STX7: variants seen among roughly 807,000 people sequenced by gnomAD.
STX7 encodes the protein syntaxin 7.
In STX7, 34 loss-of-function variants were observed where a neutral mutation model predicts 39.6. That is an observed-to-expected ratio of 0.86 (90% CI 0.65 to 1.14). The LOEUF is 1.14. STX7 is among the 50% of genes most tolerant of loss of function. The probability of loss-of-function intolerance (pLI) is 0.00; values close to 1 mark genes in which losing one functional copy is unlikely to be tolerated. For synonymous variants in STX7, 119 were observed against 99.1 expected (o/e 1.20, Z -1.19); for missense variants, 284 against 310.4 (o/e 0.92, Z 0.64).
chr6:132,510,627 A>G (rs1407272053), intron 1 of STX7, among the ~76,000 whole-genome samples: 8 of 152,250 alleles, frequency 5.3e-5, no homozygotes, highest in Admixed American at 2.0e-4. Flanking sequence ...ATGTTCAAAA[A>G]TTCTGTGTGG....
At chr6:132,508,143 G>C (rs1444388544) in intron 1 of STX7, among the ~76,000 whole-genome samples, 1 of 152,202 alleles carries the variant, frequency 6.6e-6, no homozygotes, top group Non-Finnish European at 1.5e-5. Flanking sequence ...TGCAGCTGCA[G>C]GACCAGCATC....
chr6:132,509,661 T>A (rs1027399140), intron 1 of STX7, among the ~76,000 whole-genome samples: 7 of 152,174 alleles, frequency 4.6e-5, no homozygotes, highest in Admixed American at 1.3e-4. Context: ...AATAGCTTAC[T>A]CCTTTTCTCT....
At chr6:132,462,594 T>C (rs1211460470) in intron 9 of STX7, among the ~76,000 whole-genome samples, 1 of 142,126 alleles carries the variant, frequency 7.0e-6, no homozygotes, top group Non-Finnish European at 1.6e-5. Context: ...TGTGTGTGTG[T>C]GTGTGTGTGT....
rs999027180 is a variant in STX7, at chr6:132,461,454, G to A, written c.694-604C>T. Among the ~76,000 whole-genome samples the A allele has an allele frequency of 2.6e-5, 4 of 151,854 alleles. No individual in the cohort carries two copies. The East Asian group carries it at 7.7e-4, about 29-fold the overall frequency. Reference sequence around the variant, plus strand: ...CCCAAGTAGCTGGGATTACAGGCGCGTGCCACCACACCCAGCTAATTTTTT... The same window carrying A: ...CCCAAGTAGCTGGGATTACAGGCGCATGCCACCACACCCAGCTAATTTTTT... On this transcript the variant is annotated intron_variant, in intron 9 of 9. Transcript: ENST00000367941.
chr6:132,475,644 GT>G lies in STX7; in HGVS notation c.103del (p.Thr35LeufsTer2). ...ITQCSVEIQR[T>X]LNQLGTPQDS... ...TTGAGGTGTTCCAAGTTGATTCAGA[GT>G]TCTTTGTATTTCCACAGCTATTATA... On this transcript the variant is annotated frameshift_variant, in exon 3 of 10. Coordinates refer to ENST00000367941, the MANE Select transcript of STX7 (RefSeq NM_003569.3). LOFTEE classifies it high-confidence loss of function. 1 of 1,608,384 alleles carries G rather than the reference GT, an allele frequency of 6.2e-7. No homozygotes were observed. The highest frequency in any genetic ancestry group is 8.5e-7 in the Non-Finnish European group (1 of 1,177,322).
chr6:132,461,772 A>G, intron 9 of STX7: 2 of 1,464,852 alleles, frequency 1.4e-6, no homozygotes, highest in Non-Finnish European at 1.8e-6. Flanking sequence ...CGAATGGTTA[A>G]GAATTTTGTT....
intron 2 of STX7, among the ~76,000 whole-genome samples, chr6:132,489,989 G>T (rs1775236660): frequency 6.6e-6 from 1 of 152,174 alleles, no homozygotes; most frequent in Non-Finnish European, 1.5e-5. Context: ...CTTCTAGATG[G>T]CTGGAACATT....
In STX7 at chr6:132,499,159, C is replaced by T. The variant is rs78508577; in HGVS notation, c.85+4287G>A. 5.6e-3 allele frequency among the ~76,000 whole-genome samples: 849 copies of T among 152,268 alleles called. 8 individuals are homozygous for T. The highest frequency in any genetic ancestry group is 0.019 in the African/African-American group (810 of 41,556). ...CCATGCCCTCACTTTCAAAACATTTCCTTTGCAATTATACGCTTACCAGAA... is the reference window on the plus strand; with the variant it reads ...CCATGCCCTCACTTTCAAAACATTTTCTTTGCAATTATACGCTTACCAGAA... On this transcript the variant is annotated intron_variant, in intron 2 of 9. Coordinates refer to ENST00000367941, the MANE Select transcript of STX7 (RefSeq NM_003569.3).
In STX7 at chr6:132,454,921, C is replaced by G. The variant is rs1198453424; in HGVS notation, c.*5837G>C. The stretch of plus-strand genomic sequence containing the variant: ...ACTTAAATGTTAAAACTATGATAAC[C>G]TTTATGAGGCTGAACATTAAATCTG... On this transcript the variant is annotated 3_prime_UTR_variant, in exon 10 of 10. Coordinates refer to ENST00000367941, the MANE Select transcript of STX7 (RefSeq NM_003569.3). The G allele has an allele frequency of 6.6e-6, 1 of 151,772 alleles. No individual in the cohort carries two copies. Among genetic ancestry groups the G allele is most frequent in the African/African-American group, 2.4e-5 (1 of 41,324 alleles). The allele number at this position is 151,772 out of a possible 1,614,324, so 9.4% of individuals were successfully genotyped here.
rs1409195698 is a variant in STX7, at chr6:132,457,331, G to A, written c.*3427C>T. On this transcript the variant is annotated 3_prime_UTR_variant, in exon 10 of 10. Coordinates refer to ENST00000367941, the MANE Select transcript of STX7 (RefSeq NM_003569.3). ...TGCTTTATCCAATCTACTGACTTTG[G>A]AAAATCCAGCTGAAATGAGGAAAGA... 2 of 152,196 alleles carry A rather than the reference G, an allele frequency of 1.3e-5. No individual in the cohort carries two copies. The highest frequency in any genetic ancestry group is 2.9e-5 in the Non-Finnish European group (2 of 68,046). The allele number at this position is 152,196 out of a possible 1,614,324, so 9.4% of individuals were successfully genotyped here. A position where few individuals can be genotyped will look rare whatever the true frequency, so the allele number is the denominator to read the frequency against.
At chr6:132,484,950 A>AG (rs1775095815) in intron 2 of STX7, among the ~76,000 whole-genome samples, 1 of 152,206 alleles carries the variant, frequency 6.6e-6, no homozygotes, top group African/African-American at 2.4e-5. Context: ...CGCTCAACAG[A>AG]GTCTGTTGTT....
intron 7 of STX7, 81 bp from the exon 8 acceptor site, chr6:132,468,556 C>T (rs1185095561): frequency 1.1e-6 from 1 of 946,168 alleles, no homozygotes; most frequent in African/African-American, 1.7e-5. Flanking sequence ...AAAACCCAAA[C>T]CACTACTCAC....
rs570684319 is a variant in STX7 at position 132,495,139 on chromosome 6, C to A, written c.85+8307G>T. On this transcript the variant is annotated intron_variant, in intron 2 of 9. Coordinates refer to ENST00000367941, the MANE Select transcript of STX7 (RefSeq NM_003569.3). ...ACAGATAGGAGAGTGAGGGATAAAG[C>A]TCCTTGAAGCATCTTGGAGCCACAT... 1.4e-4 allele frequency among the ~76,000 whole-genome samples: 22 copies of A among 152,286 alleles called. No individual in the cohort carries two copies. In the South Asian group the frequency reaches 1.4e-3, roughly 10 times the overall value.
chr6:132,456,878 G>A lies in STX7; in HGVS notation c.*3880C>T, dbSNP rs2114332574. The A allele has an allele frequency of 6.6e-6, 1 of 152,262 alleles. No individual in the cohort carries two copies. The highest frequency in any genetic ancestry group is 1.9e-4 in the East Asian group (1 of 5,200). 9.4% of individuals were successfully genotyped at this position (152,262 alleles called of 1,614,324 possible). A position where few individuals can be genotyped will look rare whatever the true frequency, so the allele number is the denominator to read the frequency against. ...TGTCTCTGGTTCTAAGTTGAGAGTT[G>A]ACCATGAGAAAAGGAGAGACCATCT... On this transcript the variant is annotated 3_prime_UTR_variant, in exon 10 of 10. Transcript: ENST00000367941.
chr6:132,510,294 CCT>C (rs1206762645), intron 1 of STX7, among the ~76,000 whole-genome samples: 1 of 152,066 alleles, frequency 6.6e-6, no homozygotes, highest in Non-Finnish European at 1.5e-5. Context: ...TGCTAATTAC[CCT>C]GATTTGATCA....
At chr6:132,483,782 T>C (rs1304248826) in intron 2 of STX7, among the ~76,000 whole-genome samples, 1 of 152,152 alleles carries the variant, frequency 6.6e-6, no homozygotes, top group Non-Finnish European at 1.5e-5. Flanking sequence ...TGTTCAAAAA[T>C]GCTTGAGAAA....
chr6:132,512,078 C>T (rs1775859598), intron 1 of STX7, among the ~76,000 whole-genome samples: 1 of 152,142 alleles, frequency 6.6e-6, no homozygotes, highest in Non-Finnish European at 1.5e-5. Flanking sequence ...AGTTTAACAC[C>T]GTTATCAGCC....
At chr6:132,502,851 A>C (rs919976352) in intron 2 of STX7, among the ~76,000 whole-genome samples, 1 of 152,066 alleles carries the variant, frequency 6.6e-6, no homozygotes, top group Admixed American at 6.5e-5. Context: ...GTGAGCCAAG[A>C]TCGTACCACT....
chr6:132,505,505 T>C (rs1775675469), intron 1 of STX7, among the ~76,000 whole-genome samples: 1 of 152,186 alleles, frequency 6.6e-6, no homozygotes, highest in East Asian at 1.9e-4. Context: ...CTGGGCTCTC[T>C]GGGTCTCACC....
Sources: gnomAD v4.1 joint callset for allele counts (sites outside exome capture counted in the v4.1 genomes callset) on GRCh38, gnomAD v4.1.1 for gene constraint, MANE v1.5 for transcripts, NCBI Gene and HGNC (gene_info 2026-07-23, HGNC 2026-07-21) for gene names.